Variants in CSGALNACT1 observed in about 807,000 individuals in gnomAD.
CSGALNACT1 encodes the protein chondroitin sulfate N-acetylgalactosaminyltransferase 1, also known as beta4GalNAcT-1.
A neutral mutation model predicts 51.0 loss-of-function variants in CSGALNACT1; 52 were observed. That is an observed-to-expected ratio of 1.02 (90% CI 0.82 to 1.29). The LOEUF (loss-of-function observed/expected upper bound fraction) is 1.29, where lower values mean the gene tolerates loss of function less well. Ranked by LOEUF, CSGALNACT1 falls within the 50% of genes most tolerant of loss-of-function variation. The pLI is 0.00. For missense variants in CSGALNACT1, 935 were observed against 679.2 expected (o/e 1.38, Z -4.19); for synonymous variants, 341 against 254.4 (o/e 1.34, Z -3.24).
chr8:19,709,860 C>A (rs1466253240), intron 1 of CSGALNACT1, among the ~76,000 whole-genome samples: 1 of 152,134 alleles, frequency 6.6e-6, no homozygotes, highest in African/African-American at 2.4e-5. Flanking sequence ...GGACAGAGCT[C>A]TAGGGCACTC....
chr8:19,581,505 G>A (rs114413126), intron 3 of CSGALNACT1, among the ~76,000 whole-genome samples: 3,627 of 152,248 alleles, frequency 0.024, 162 homozygotes, highest in African/African-American at 0.083. Flanking sequence ...CACTCGGGAG[G>A]CTTAGGCAGG....
At chr8:19,666,764 A>C (rs560778775) in intron 1 of CSGALNACT1, among the ~76,000 whole-genome samples, 1 of 7,698 alleles carries the variant, frequency 1.3e-4, no homozygotes, top group South Asian at 4.0e-3. Context: ...AAGAAAGAAG[A>C]AAGAAAGAAA....
intron 1 of CSGALNACT1, among the ~76,000 whole-genome samples, chr8:19,733,691 C>G (rs6981526): frequency 0.72 from 109,259 of 152,160 alleles, 39,416 homozygotes; most frequent in Middle Eastern, 0.85. Context: ...ATGCTTTTCT[C>G]TTTGCCTGAA....
chr8:19,711,168 C>A (rs904806350), intron 1 of CSGALNACT1, among the ~76,000 whole-genome samples: 29 of 151,994 alleles, frequency 1.9e-4, no homozygotes, highest in African/African-American at 7.0e-4. Flanking sequence ...AGTCCTTTTG[C>A]TAAGTCAGGC....
intron 3 of CSGALNACT1, among the ~76,000 whole-genome samples, chr8:19,506,653 C>T (rs902544663): frequency 5.9e-5 from 9 of 152,132 alleles, no homozygotes; most frequent in African/African-American, 2.2e-4. Context: ...TAGCTTAGTG[C>T]CATTCTTGCT....
At chr8:19,754,937 A>G (rs1169913884) in intron 1 of CSGALNACT1, among the ~76,000 whole-genome samples, 1 of 152,250 alleles carries the variant, frequency 6.6e-6, no homozygotes, top group Non-Finnish European at 1.5e-5. Flanking sequence ...AATAACCTCT[A>G]TTAGCCCTAA....
chr8:19,570,952 C>A (rs2042899317), intron 3 of CSGALNACT1, among the ~76,000 whole-genome samples: 1 of 152,004 alleles, frequency 6.6e-6, no homozygotes, highest in African/African-American at 2.4e-5. Context: ...ACAACAACAA[C>A]AAAACGTACA....
At position 19,666,799 on chromosome 8, in the gene CSGALNACT1, GAA is replaced by G. The variant is rs1158212376; in HGVS notation, c.-544+15672_-544+15673del. Among the ~76,000 whole-genome samples the G allele has an allele frequency of 6.5e-3, 144 of 22,188 alleles. 3 individuals are homozygous for G. Among genetic ancestry groups the G allele is most frequent in the East Asian group, 0.031 (39 of 1,264 alleles). The allele number at this position is 22,188 out of a possible 152,430, so 14.6% of individuals were successfully genotyped here. A position where few individuals can be genotyped will look rare whatever the true frequency, so the allele number is the denominator to read the frequency against. Reference sequence around the variant, plus strand: ...AGAAAGAAAGAAAGAAAGAAAGAAAGAAAGAAAGAAAGAGAGAGAGAGAGAGA... The same window carrying G: ...AGAAAGAAAGAAAGAAAGAAAGAAAGAGAAAGAAAGAGAGAGAGAGAGAGA... On this transcript the variant is annotated intron_variant, in intron 1 of 9. Transcript: ENST00000332246.
At chr8:19,689,310 A>T (rs952989270) in intron 1 of CSGALNACT1, among the ~76,000 whole-genome samples, 1 of 152,152 alleles carries the variant, frequency 6.6e-6, no homozygotes, top group African/African-American at 2.4e-5. Flanking sequence ...GAAGAGGGCC[A>T]TTTGGAGAGG....
intron 2 of CSGALNACT1, among the ~76,000 whole-genome samples, chr8:19,593,159 A>G (rs938435810): frequency 9.2e-5 from 14 of 152,244 alleles, no homozygotes; most frequent in Admixed American, 9.2e-4. Flanking sequence ...AGAATGTACG[A>G]TATGTATCAG....
At chr8:19,513,727 G>A (rs1256958041) in intron 3 of CSGALNACT1, among the ~76,000 whole-genome samples, 6 of 151,920 alleles carry the variant, frequency 3.9e-5, no homozygotes, top group African/African-American at 1.5e-4. Context: ...ATAGCCTATT[G>A]CTTCTAGGCT....
At chr8:19,604,735 G>A (rs1226969678), upstream of CSGALNACT1, among the ~76,000 whole-genome samples, 6 of 141,698 alleles carry the variant, frequency 4.2e-5, no homozygotes, top group African/African-American at 8.1e-5. Flanking sequence ...GTGAAACCCC[G>A]TCTCTACTTT....
chr8:19,505,245 T>C (rs1344647230), exon 4 of CSGALNACT1: 19 of 1,614,188 alleles, frequency 1.2e-5, no homozygotes, highest in Non-Finnish European at 1.6e-5. Context: ...ATTGGGGCTG[T>C]TCTCTGCAGG....
chr8:19,412,414 C>A (rs1318400698), intron 8 of CSGALNACT1, among the ~76,000 whole-genome samples: 2 of 152,250 alleles, frequency 1.3e-5, no homozygotes, highest in Admixed American at 6.5e-5. Context: ...CGCCCTGCAG[C>A]TGCATGTGAG....
At position 19,711,429 on chromosome 8, in the gene CSGALNACT1, G is replaced by A. The variant is rs552600188; in HGVS notation, c.-297+46421C>T. 5.9e-5 allele frequency among the ~76,000 whole-genome samples: 9 copies of A among 152,252 alleles called. No homozygotes were observed. The South Asian group carries it at 1.9e-3, about 32-fold the overall frequency. On this transcript the variant is annotated intron_variant, in intron 1 of 1. Transcript: ENST00000517494. ...CAATTCACTTTGGTGATGAAATATA[G>A]GAGACCAAACCCTGTGTGCCAAGTA...
intron 1 of CSGALNACT1, among the ~76,000 whole-genome samples, chr8:19,631,452 T>C (rs2055245043): frequency 6.6e-6 from 1 of 152,202 alleles, no homozygotes; most frequent in Non-Finnish European, 1.5e-5. Flanking sequence ...GTATCTTTTC[T>C]AGACTAAAAT....
chr8:19,583,097 A>G (rs974922561), intron 3 of CSGALNACT1, among the ~76,000 whole-genome samples: 1 of 152,182 alleles, frequency 6.6e-6, no homozygotes, highest in Admixed American at 6.5e-5. Flanking sequence ...TTATTTGTCA[A>G]TCATACCTCA....
intron 1 of CSGALNACT1, among the ~76,000 whole-genome samples, chr8:19,706,485 T>C (rs1160964187): frequency 2.6e-5 from 4 of 152,182 alleles, no homozygotes; most frequent in East Asian, 3.8e-4. Context: ...GACACTGGAA[T>C]ACACTGAATC....
chr8:19,684,685 C>G (rs115638136), upstream of CSGALNACT1, among the ~76,000 whole-genome samples: 1,041 of 152,198 alleles, frequency 6.8e-3, 12 homozygotes, highest in African/African-American at 0.024. Flanking sequence ...CCTGTGCTGC[C>G]CCTGGGAGTG....
Sources: gnomAD v4.1 joint callset for allele counts (sites outside exome capture counted in the v4.1 genomes callset) on GRCh38, gnomAD v4.1.1 for gene constraint, MANE v1.5 for transcripts, NCBI Gene and HGNC (gene_info 2026-07-23, HGNC 2026-07-21) for gene names.